TMEM132B: variants seen among roughly 807,000 people sequenced by gnomAD.
TMEM132B encodes transmembrane protein 132B.
TMEM132B carries 18 observed loss-of-function variants against 90.8 expected under a neutral mutation model. The observed-to-expected ratio is 0.20, with a 90% CI of 0.14 to 0.29. TMEM132B has a LOEUF of 0.29. TMEM132B is among the 10% of genes least tolerant of loss of function. The probability of loss-of-function intolerance (pLI) is 1.00; values close to 1 mark genes in which losing one functional copy is unlikely to be tolerated. For synonymous variants in TMEM132B, 504 were observed against 523.3 expected (o/e 0.96, Z 0.50); for missense variants, 1,096 against 1,326.8 (o/e 0.83, Z 2.70).
chr12:125,625,196 G>T (rs1045365668), intron 5 of TMEM132B, among the ~76,000 whole-genome samples: 2 of 135,916 alleles, frequency 1.5e-5, no homozygotes, highest in African/African-American at 5.5e-5. Flanking sequence ...CCAGTGGCTC[G>T]ATCTCAGCTC....
rs545744914 is a variant in TMEM132B, at chr12:125,305,440, TA to T, written c.68-44011del. Among the ~76,000 whole-genome samples the T allele has an allele frequency of 5.9e-3, 893 of 151,596 alleles. 6 individuals carry two copies. Among genetic ancestry groups the T allele is most frequent in the Non-Finnish European group, 8.5e-3 (579 of 67,914 alleles). ...GCAGCCACATGTCCAAAGCCCAGGG[TA>T]GGGGGGGGAAGGCTGTCTGTTAAAA... On this transcript the variant is annotated intron_variant, in intron 1 of 8. Coordinates refer to ENST00000682704, the MANE Select transcript of TMEM132B (RefSeq NM_001366854.1).
At chr12:125,632,381 G>T (rs1299661206) in intron 5 of TMEM132B, among the ~76,000 whole-genome samples, 2 of 151,864 alleles carry the variant, frequency 1.3e-5, no homozygotes, top group South Asian at 2.1e-4. Context: ...ATTTTTGATT[G>T]GTTCATCATT....
At chr12:125,321,282 A>G (rs181208179) in intron 1 of TMEM132B, among the ~76,000 whole-genome samples, 27 of 152,326 alleles carry the variant, frequency 1.8e-4, no homozygotes, top group African/African-American at 6.3e-4. Flanking sequence ...TTTTGAAGAC[A>G]GAAAATATCC....
chr12:125,307,931 AATAT>A (rs1244553288), intron 1 of TMEM132B, among the ~76,000 whole-genome samples: 3 of 132,808 alleles, frequency 2.3e-5, no homozygotes, highest in African/African-American at 8.4e-5. Context: ...TATATTACTT[AATAT>A]ATACTTATAT....
intron 1 of TMEM132B, among the ~76,000 whole-genome samples, chr12:125,331,050 G>GCAC (rs1445014328): frequency 6.6e-6 from 1 of 152,242 alleles, no homozygotes; most frequent in Non-Finnish European, 1.5e-5. Flanking sequence ...GGGGAGGGAT[G>GCAC]CACCACCGGC....
At chr12:125,536,547 C>A (rs1361633924) in intron 4 of TMEM132B, among the ~76,000 whole-genome samples, 3 of 152,202 alleles carry the variant, frequency 2.0e-5, no homozygotes, top group Non-Finnish European at 4.4e-5. Context: ...TGGTGCCCAC[C>A]TCACACACTG....
At chr12:125,374,430 A>T (rs1401935988) in intron 2 of TMEM132B, among the ~76,000 whole-genome samples, 1 of 139,598 alleles carries the variant, frequency 7.2e-6, no homozygotes, top group Non-Finnish European at 1.5e-5. Context: ...ACCCACAAAC[A>T]TGTTTTTTTT....
intron 1 of TMEM132B, among the ~76,000 whole-genome samples, chr12:125,265,958 G>T (rs1334113977): frequency 1.3e-5 from 2 of 152,052 alleles, no homozygotes; most frequent in Non-Finnish European, 2.9e-5. Flanking sequence ...GCCAGGCGTG[G>T]TGGCTCACGC....
intron 5 of TMEM132B, among the ~76,000 whole-genome samples, chr12:125,613,694 G>A (rs1002979670): frequency 4.6e-5 from 7 of 151,688 alleles, no homozygotes; most frequent in Admixed American, 1.3e-4. Context: ...CCTATTACCC[G>A]TTTGTGCTAT....
At chr12:125,234,099 C>T (rs950875718) in intron 1 of TMEM132B, among the ~76,000 whole-genome samples, 2 of 152,180 alleles carry the variant, frequency 1.3e-5, no homozygotes, top group African/African-American at 4.8e-5. Context: ...TCCTGGCAGG[C>T]AGTTGGTCTT....
At chr12:125,643,765 C>G (rs542894849) in intron 5 of TMEM132B, among the ~76,000 whole-genome samples, 28 of 151,954 alleles carry the variant, frequency 1.8e-4, no homozygotes, top group African/African-American at 6.8e-4. Flanking sequence ...GTTTGAGTAC[C>G]TAAAAAAGGT....
intron 1 of TMEM132B, among the ~76,000 whole-genome samples, chr12:125,256,073 G>C (rs1226024540): frequency 2.0e-5 from 3 of 152,104 alleles, no homozygotes; most frequent in African/African-American, 7.2e-5. Context: ...GGGTCAGTCA[G>C]TGCGTTCATG....
intron 4 of TMEM132B, among the ~76,000 whole-genome samples, chr12:125,566,133 A>G (rs1362564548): frequency 6.6e-6 from 1 of 152,130 alleles, no homozygotes; most frequent in Non-Finnish European, 1.5e-5. Context: ...AATGACCAAA[A>G]CCTTTAGTAC....
chr12:125,475,345 T>A (rs1458896911), intron 3 of TMEM132B, among the ~76,000 whole-genome samples: 1 of 152,126 alleles, frequency 6.6e-6, no homozygotes, highest in Non-Finnish European at 1.5e-5. Context: ...AGGAGAGAGA[T>A]GGAGAAAATA....
chr12:125,621,555 A>G (rs1181183319), intron 5 of TMEM132B, among the ~76,000 whole-genome samples: 1 of 152,166 alleles, frequency 6.6e-6, no homozygotes, highest in East Asian at 1.9e-4. Flanking sequence ...TGCATGTGGT[A>G]AGACACTGCT....
At chr12:125,243,811 G>A (rs534836466) in intron 1 of TMEM132B, among the ~76,000 whole-genome samples, 1 of 152,208 alleles carries the variant, frequency 6.6e-6, no homozygotes, top group East Asian at 1.9e-4. Context: ...TGCAGTATTT[G>A]GTTTTCTGTT....
rs957752 is a variant in TMEM132B at position 125,343,043 on chromosome 12, T to G, written c.68-6409T>G. On this transcript the variant is annotated intron_variant, in intron 1 of 8. Coordinates refer to ENST00000682704, the MANE Select transcript of TMEM132B (RefSeq NM_001366854.1). ...AATGCTGAGGTGTGGAAGGGTCTGT[T>G]CTCCAGGGTACAATAAAGGGATACA... Among the ~76,000 whole-genome samples the G allele has an allele frequency of 7.3e-3, 1,113 of 152,218 alleles. 22 individuals are homozygous for G. Among genetic ancestry groups the G allele is most frequent in the South Asian group, 0.046 (221 of 4,814 alleles).
intron 4 of TMEM132B, among the ~76,000 whole-genome samples, chr12:125,539,483 G>A (rs577344471): frequency 1.3e-5 from 2 of 152,078 alleles, no homozygotes; most frequent in South Asian, 2.1e-4. Context: ...TCTTTCCTTC[G>A]CAGAATGAGC....
chr12:125,213,028 A>G lies in TMEM132B; in HGVS notation c.67+26162A>G, dbSNP rs1873356287. Among the ~76,000 whole-genome samples, 1 of 152,196 alleles carries G rather than the reference A, an allele frequency of 6.6e-6. No individual in the cohort carries two copies. The highest frequency in any genetic ancestry group is 1.5e-5 in the Non-Finnish European group (1 of 68,028). ...ACAAACACCACCTCTGTTTGGTTCC[A>G]GAGCATTTTCATCCTCCCAAATGGA... On this transcript the variant is annotated intron_variant, in intron 1 of 8. Coordinates refer to ENST00000682704, the MANE Select transcript of TMEM132B (RefSeq NM_001366854.1). This position sits in a 1 kb window ranked among gnomAD's most constrained non-coding sequence, Gnocchi z 4.2.
Sources: allele counts gnomAD v4.1 joint callset (sites outside exome capture counted in the v4.1 genomes callset), GRCh38; gene constraint gnomAD v4.1.1; non-coding constraint Gnocchi (gnomAD v3.1); transcripts MANE v1.5; gene names NCBI Gene and HGNC (gene_info 2026-07-23, HGNC 2026-07-21).